Variants in STYK1 observed in about 807,000 individuals in gnomAD.
The protein encoded by STYK1 is tyrosine-protein kinase STYK1.
In STYK1, 46 loss-of-function variants were observed where a neutral mutation model predicts 48.1. That is an observed-to-expected ratio of 0.96 (90% CI 0.75 to 1.22). The LOEUF (loss-of-function observed/expected upper bound fraction) is 1.22. STYK1 is among the 50% of genes most tolerant of loss of function. The pLI is 0.00. For synonymous variants in STYK1, 188 were observed against 189.0 expected, an observed-to-expected ratio of 0.99 and a Z score of 0.04; for missense variants, 527 against 521.1, an observed-to-expected ratio of 1.01 and a Z score of -0.11.
chr12:10,629,104 TG>T (rs1382582559), intron 6 of STYK1, among the ~76,000 whole-genome samples: 1 of 152,208 alleles, frequency 6.6e-6, no homozygotes, highest in East Asian at 1.9e-4. Context: ...AAAGGTGACT[TG>T]CTCACAGTCA....
intron 1 of STYK1, among the ~76,000 whole-genome samples, chr12:10,663,741 G>T (rs1422790238): frequency 1.4e-4 from 21 of 144,958 alleles, no homozygotes; most frequent in African/African-American, 5.1e-4. Context: ...GACCATTTCG[G>T]AAAAAAAAAA....
At chr12:10,652,745 G>A (rs1947675625) in intron 1 of STYK1, among the ~76,000 whole-genome samples, 1 of 151,318 alleles carries the variant, frequency 6.6e-6, no homozygotes, top group African/African-American at 2.4e-5. Flanking sequence ...AAAGGTTAAC[G>A]AGTCTAAGGA....
chr12:10,647,038 G>C (rs1317864848), intron 1 of STYK1, among the ~76,000 whole-genome samples: 1 of 152,248 alleles, frequency 6.6e-6, no homozygotes, highest in Non-Finnish European at 1.5e-5. Context: ...GGCCCTCATG[G>C]AGAACCTTTG....
At chr12:10,650,143 A>T (rs993141619) in intron 1 of STYK1, among the ~76,000 whole-genome samples, 2 of 150,708 alleles carry the variant, frequency 1.3e-5, no homozygotes, top group Admixed American at 1.3e-4. Flanking sequence ...AAAAAAAAAA[A>T]AAAAATCTTG....
chr12:10,658,516 T>TA (rs1193065260), intron 1 of STYK1, among the ~76,000 whole-genome samples: 3 of 152,224 alleles, frequency 2.0e-5, no homozygotes, highest in Non-Finnish European at 4.4e-5. Flanking sequence ...ATGAATGACT[T>TA]ACGGTGACCT....
At chr12:10,659,594 T>C (rs1947754044) in intron 1 of STYK1, among the ~76,000 whole-genome samples, 1 of 152,070 alleles carries the variant, frequency 6.6e-6, no homozygotes, top group Admixed American at 6.6e-5. Context: ...GCAAGTTATC[T>C]TGTGACCTCA....
chr12:10,670,778 CTTAAT>C (rs1019398812), intron 1 of STYK1, among the ~76,000 whole-genome samples: 2 of 150,770 alleles, frequency 1.3e-5, no homozygotes, highest in African/African-American at 4.9e-5. Flanking sequence ...TGTTAATTAG[CTTAAT>C]TTAACTATTC....
At chr12:10,649,679 G>C (rs542326009) in intron 1 of STYK1, among the ~76,000 whole-genome samples, 3 of 152,256 alleles carry the variant, frequency 2.0e-5, no homozygotes, top group Non-Finnish European at 2.9e-5. Flanking sequence ...AGGAAGAAAG[G>C]CTACAAGGCA....
At chr12:10,660,023 T>C (rs1947759154) in intron 1 of STYK1, among the ~76,000 whole-genome samples, 1 of 152,174 alleles carries the variant, frequency 6.6e-6, no homozygotes, top group Non-Finnish European at 1.5e-5. Flanking sequence ...ATGGGTAATA[T>C]AAAGATCTGG....
intron 7 of STYK1, among the ~76,000 whole-genome samples, chr12:10,625,203 TTTTTTTG>T (rs1274919937): frequency 3.8e-5 from 4 of 105,020 alleles, no homozygotes; most frequent in African/African-American, 8.7e-5. Context: ...AGTTTCTTTC[TTTTTTTG>T]TTTGTTTGTT....
At chr12:10,652,575 T>G (rs934239397) in intron 1 of STYK1, among the ~76,000 whole-genome samples, 1 of 152,228 alleles carries the variant, frequency 6.6e-6, no homozygotes. Context: ...CTTCCTGAAG[T>G]AAAGCTTTTC....
chr12:10,630,961 TC>T, intron 5 of STYK1, 83 bp downstream of exon 5: 8 of 1,524,676 alleles, frequency 5.2e-6, no homozygotes, highest in Non-Finnish European at 6.3e-6. Flanking sequence ...ATCACAACTA[TC>T]TGTTAGTTAA....
At chr12:10,630,347 T>C (rs1384906341) in intron 5 of STYK1, among the ~76,000 whole-genome samples, 1 of 135,408 alleles carries the variant, frequency 7.4e-6, no homozygotes, top group Non-Finnish European at 1.5e-5. Flanking sequence ...GATGGCACCA[T>C]TGCACTCTAG....
intron 1 of STYK1, among the ~76,000 whole-genome samples, chr12:10,657,351 T>C (rs1324667577): frequency 6.6e-6 from 1 of 152,028 alleles, no homozygotes. Context: ...TGTTGTGTAG[T>C]CATATGTGTT....
chr12:10,662,422 T>C (rs1448105918), intron 1 of STYK1, among the ~76,000 whole-genome samples: 5 of 152,252 alleles, frequency 3.3e-5, no homozygotes, highest in African/African-American at 7.2e-5. Context: ...TGTTTAAATT[T>C]TGAGGAACTG....
rs1865873553 is a variant in STYK1, at chr12:10,619,664, A to G, written c.*480T>C. On this transcript the variant is annotated 3_prime_UTR_variant, in exon 11 of 11. Coordinates refer to ENST00000075503, the MANE Select transcript of STYK1 (RefSeq NM_018423.3). ...GGACTGAAGAACTTTGTGTCCTACCACCTTTTCTTGAAGGAGGTGTTGGTC... is the reference window on the plus strand; with the variant it reads ...GGACTGAAGAACTTTGTGTCCTACCGCCTTTTCTTGAAGGAGGTGTTGGTC... 5.3e-6 allele frequency: 1 copy of G among 189,270 alleles called. No individual in the cohort carries two copies. The allele number at this position is 189,270 out of a possible 1,614,324, so 11.7% of individuals were successfully genotyped here. A position where few individuals can be genotyped will look rare whatever the true frequency, so the allele number is the denominator to read the frequency against.
In STYK1 at chr12:10,672,827, A is replaced by C. The variant is rs1947904166; in HGVS notation, c.-195+1139T>G. The stretch of plus-strand genomic sequence containing the variant: ...CTGAACGAAAAAGTATATGATTTTC[A>C]TTGAAGCAAATACTTCATGATGTCT... On this transcript the variant is annotated intron_variant, in intron 1 of 10. Transcript: ENST00000075503. This position sits in a 1 kb window ranked among gnomAD's most constrained non-coding sequence, Gnocchi z 4.0. Among the ~76,000 whole-genome samples, 1 of 152,236 alleles carries C rather than the reference A, an allele frequency of 6.6e-6. No individual in the cohort carries two copies. Among genetic ancestry groups the C allele is most frequent in the African/African-American group, 2.4e-5 (1 of 41,466 alleles).
intron 2 of STYK1, among the ~76,000 whole-genome samples, chr12:10,635,768 A>G (rs752797034): frequency 2.6e-5 from 4 of 152,148 alleles, no homozygotes; most frequent in Non-Finnish European, 5.9e-5. Flanking sequence ...TGTTAAGTCT[A>G]TATAATATAA....
Position 10,620,136 on chromosome 12 carries a change from G to C in STYK1, c.*8C>G. ...ACTCATGCATGAATGTTTCTTGCCC[G>C]AGACTCTTCAAAGCATGCTATAGTT... is the stretch of plus-strand genomic sequence containing the variant. On this transcript the variant is annotated 3_prime_UTR_variant, in exon 11 of 11. Coordinates refer to ENST00000075503, the MANE Select transcript of STYK1 (RefSeq NM_018423.3). 1 of 1,614,108 alleles carries C rather than the reference G, an allele frequency of 6.2e-7. No homozygotes were observed. The highest frequency in any genetic ancestry group is 8.5e-7 in the Non-Finnish European group (1 of 1,179,990).
Sources: gnomAD v4.1 joint callset for allele counts (sites outside exome capture counted in the v4.1 genomes callset) on GRCh38, gnomAD v4.1.1 for gene constraint, Gnocchi (gnomAD v3.1) non-coding constraint, MANE v1.5 for transcripts, NCBI Gene and HGNC (gene_info 2026-07-23, HGNC 2026-07-21) for gene names.